Variants in RIT2 observed in about 807,000 individuals in gnomAD.
RIT2 encodes the protein Ras like without CAAX 2.
Under a neutral mutation model 23.7 loss-of-function variants are expected in RIT2, and 24 were observed. The observed-to-expected ratio is 1.01, with a 90% CI of 0.73 to 1.43. The LOEUF (loss-of-function observed/expected upper bound fraction) is 1.43, where lower values mean the gene tolerates loss of function less well. Ranked by LOEUF, RIT2 falls within the 40% of genes most tolerant of loss-of-function variation. RIT2 has a pLI of 0.00. For missense variants in RIT2, 236 were observed against 266.9 expected, an observed-to-expected ratio of 0.88 and a Z score of 0.81; for synonymous variants, 107 against 91.1, an observed-to-expected ratio of 1.17 and a Z score of -0.99.
At chr18:42,885,721 C>T (rs559543341) in intron 4 of RIT2, among the ~76,000 whole-genome samples, 5 of 152,210 alleles carry the variant, frequency 3.3e-5, no homozygotes, top group African/African-American at 1.2e-4. Flanking sequence ...TATTGTAGGA[C>T]TTTCCATGGA....
At chr18:42,859,121 G>T (rs930545294) in intron 4 of RIT2, among the ~76,000 whole-genome samples, 1 of 152,060 alleles carries the variant, frequency 6.6e-6, no homozygotes, top group African/African-American at 2.4e-5. Context: ...ATATTTTGAG[G>T]AACTGCTGAA....
At chr18:43,025,772 T>G (rs928335007) in intron 2 of RIT2, among the ~76,000 whole-genome samples, 1 of 152,094 alleles carries the variant, frequency 6.6e-6, no homozygotes, top group African/African-American at 2.4e-5. Flanking sequence ...TTGTGAGAGC[T>G]AAATATTGTG....
intron 4 of RIT2, among the ~76,000 whole-genome samples, chr18:42,888,447 T>C (rs1908081314): frequency 6.6e-6 from 1 of 152,094 alleles, no homozygotes; most frequent in Admixed American, 6.6e-5. Context: ...ATTTCCACAG[T>C]GGTTGAACTA....
chr18:43,054,480 T>C lies in RIT2; in HGVS notation c.104-20613A>G, dbSNP rs564470143. On this transcript the variant is annotated intron_variant, in intron 1 of 4. Coordinates refer to ENST00000326695, the MANE Select transcript of RIT2 (RefSeq NM_002930.4). ...AAGGTGGTCTATATGGACTCAAGAA[T>C]ATTAATTGAAGCATAATTACACACC... Among the ~76,000 whole-genome samples, 10 of 152,196 alleles carry C rather than the reference T, an allele frequency of 6.6e-5. No individual in the cohort carries two copies. The East Asian group carries it at 1.7e-3, about 27-fold the overall frequency.
At chr18:42,893,216 A>G (rs1908229267) in intron 4 of RIT2, among the ~76,000 whole-genome samples, 1 of 93,094 alleles carries the variant, frequency 1.1e-5, no homozygotes, top group African/African-American at 4.1e-5. Context: ...ACAGAGCGAG[A>G]CTCCGTCTCA....
chr18:42,943,350 G>A lies in RIT2; in HGVS notation c.235-19587C>T, dbSNP rs184927795. Reference sequence around the variant, plus strand: ...GAGCACTGATTGGTGTGTTTTTACAGAGCACTGATTGGAGCATTTTACAAT... The same window carrying A: ...GAGCACTGATTGGTGTGTTTTTACAAAGCACTGATTGGAGCATTTTACAAT... On this transcript the variant is annotated intron_variant, in intron 3 of 4. Coordinates refer to ENST00000326695, the MANE Select transcript of RIT2 (RefSeq NM_002930.4). Among the ~76,000 whole-genome samples, 164 of 152,132 alleles carry A rather than the reference G, an allele frequency of 1.1e-3. 2 individuals are homozygous for A. The highest frequency in any genetic ancestry group is 4.1e-3 in the East Asian group (21 of 5,146).
chr18:42,927,221 G>T (rs1183294220), intron 3 of RIT2, among the ~76,000 whole-genome samples: 1 of 151,822 alleles, frequency 6.6e-6, no homozygotes, highest in African/African-American at 2.4e-5. Context: ...AAAGTATTAA[G>T]CTTTTTTTTT....
intron 3 of RIT2, among the ~76,000 whole-genome samples, chr18:42,945,044 T>C (rs1490317088): frequency 6.6e-6 from 1 of 152,092 alleles, no homozygotes; most frequent in Non-Finnish European, 1.5e-5. Context: ...ACATTAGTTT[T>C]TGATTTACAT....
chr18:43,045,076 G>T (rs1340676800), intron 1 of RIT2, among the ~76,000 whole-genome samples: 1 of 152,098 alleles, frequency 6.6e-6, no homozygotes, highest in Admixed American at 6.5e-5. Context: ...ATTTTCTCAA[G>T]TATTTTATCA....
chr18:42,853,698 C>T (rs1266348297), intron 4 of RIT2, among the ~76,000 whole-genome samples: 1 of 152,104 alleles, frequency 6.6e-6, no homozygotes, highest in Non-Finnish European at 1.5e-5. Context: ...AGATCTGTAT[C>T]TCTCATTCAG....
chr18:43,000,640 G>T (rs1007791671), intron 2 of RIT2, among the ~76,000 whole-genome samples: 2 of 151,952 alleles, frequency 1.3e-5, no homozygotes, highest in African/African-American at 4.8e-5. Context: ...GATCATGAAG[G>T]TGGTTCCCCT....
At chr18:43,008,055 A>G (rs1029255388) in intron 2 of RIT2, among the ~76,000 whole-genome samples, 1 of 151,650 alleles carries the variant, frequency 6.6e-6, no homozygotes, top group Non-Finnish European at 1.5e-5. Context: ...AACACCACAT[A>G]TGAATTTGTC....
At chr18:42,956,826 A>G (rs1236654185) in intron 3 of RIT2, among the ~76,000 whole-genome samples, 1 of 152,170 alleles carries the variant, frequency 6.6e-6, no homozygotes, top group African/African-American at 2.4e-5. Flanking sequence ...TGATCTTGAT[A>G]TGTTTCACAA....
chr18:42,747,603 A>G (rs1912948581), intron 4 of RIT2, among the ~76,000 whole-genome samples: 1 of 152,122 alleles, frequency 6.6e-6, no homozygotes, highest in African/African-American at 2.4e-5. Flanking sequence ...GACTAAGCAT[A>G]AAGAAGAAAT....
intron 2 of RIT2, among the ~76,000 whole-genome samples, chr18:42,989,185 A>C (rs867142668): frequency 6.6e-6 from 1 of 152,152 alleles, no homozygotes; most frequent in Non-Finnish European, 1.5e-5. Context: ...GAGGACAAAA[A>C]GTTTTGTTTC....
chr18:43,079,981 A>G (rs1037386150), intron 1 of RIT2, among the ~76,000 whole-genome samples: 1 of 152,198 alleles, frequency 6.6e-6, no homozygotes, highest in Non-Finnish European at 1.5e-5. Context: ...TTGCTATTAA[A>G]TACTGGTTTT....
Position 42,770,941 on chromosome 18 carries a change from T to A in RIT2, c.427-27221A>T, listed in dbSNP as rs372415736. Among the ~76,000 whole-genome samples the A allele has an allele frequency of 4.6e-5, 7 of 152,252 alleles. 1 individual carries two copies. On this transcript the variant is annotated intron_variant, in intron 4 of 4. Coordinates refer to ENST00000326695, the MANE Select transcript of RIT2 (RefSeq NM_002930.4). ...TAAAATGAGGAGGAAAGAACTAATA[T>A]GACCTCTACTTTCTCCTTTTTCTAT...
intron 4 of RIT2, among the ~76,000 whole-genome samples, chr18:42,884,697 G>C (rs1442783969): frequency 1.3e-5 from 2 of 152,088 alleles, no homozygotes; most frequent in Non-Finnish European, 2.9e-5. Context: ...TGTCAGTTGA[G>C]CAAAATGCTA....
At chr18:42,806,989 T>C (rs1355963641) in intron 4 of RIT2, among the ~76,000 whole-genome samples, 1 of 152,216 alleles carries the variant, frequency 6.6e-6, no homozygotes, top group Admixed American at 6.5e-5. Flanking sequence ...AAAGAATTAC[T>C]GCTGTGATAT....
Sources: gnomAD v4.1 joint callset for allele counts (sites outside exome capture counted in the v4.1 genomes callset) on GRCh38, gnomAD v4.1.1 for gene constraint, MANE v1.5 for transcripts, NCBI Gene and HGNC (gene_info 2026-07-23, HGNC 2026-07-21) for gene names.